TRDN: variants seen among roughly 807,000 people sequenced by gnomAD.
The protein encoded by TRDN is triadin.
TRDN carries 161 observed loss-of-function variants against 149.7 expected under a neutral mutation model. The observed-to-expected ratio is 1.08, with a 90% CI of 0.95 to 1.23. The LOEUF (loss-of-function observed/expected upper bound fraction) is 1.23, where lower values mean the gene tolerates loss of function less well. Ranked by LOEUF, TRDN falls within the 50% of genes most tolerant of loss-of-function variation. The probability of loss-of-function intolerance (pLI) is 0.00; values close to 1 mark genes in which losing one functional copy is unlikely to be tolerated. For missense variants in TRDN, 896 were observed against 823.5 expected, an observed-to-expected ratio of 1.09 and a Z score of -1.08; for synonymous variants, 294 against 250.5, an observed-to-expected ratio of 1.17 and a Z score of -1.64.
chr6:123,417,927 A>G (rs1773724351), intron 12 of TRDN, among the ~76,000 whole-genome samples: 2 of 152,178 alleles, frequency 1.3e-5, no homozygotes, highest in African/African-American at 2.4e-5. Flanking sequence ...CAAAGACACC[A>G]GGGATGATGA....
rs976029891 is a variant in TRDN at position 123,292,010 on chromosome 6, G to A, written c.1511-12928C>T. 1.4e-4 allele frequency among the ~76,000 whole-genome samples: 21 copies of A among 152,088 alleles called. 2 individuals are homozygous for A. The highest frequency in any genetic ancestry group is 6.2e-4 in the South Asian group (3 of 4,818). ...CTATGCTGTTGGTTTTCCTCAATGG[G>A]TAATCTCATTTTGGCTTTTGGTTTT... On this transcript the variant is annotated intron_variant, in intron 24 of 40. Transcript: ENST00000334268.
In TRDN at chr6:123,418,214, G is replaced by A. The variant is rs779184707; in HGVS notation, c.1051+19849C>T. ...AGCTGGCAAGGAAGGGTGGATGTTC[G>A]CACTGTTGCCCTCCAGCAACTCAGT... On this transcript the variant is annotated intron_variant, in intron 12 of 40. Transcript: ENST00000334268. Among the ~76,000 whole-genome samples, 53 of 152,122 alleles carry A rather than the reference G, an allele frequency of 3.5e-4. 1 individual carries two copies. The highest frequency in any genetic ancestry group is 6.2e-4 in the Non-Finnish European group (42 of 67,998).
At chr6:123,565,697 C>A (rs1782252615) in intron 2 of TRDN, among the ~76,000 whole-genome samples, 1 of 152,148 alleles carries the variant, frequency 6.6e-6, no homozygotes, top group African/African-American at 2.4e-5. Flanking sequence ...GCTCATGATC[C>A]CAGAGAGTCT....
chr6:123,257,543 T>C (rs1159476333), intron 35 of TRDN, among the ~76,000 whole-genome samples: 2 of 152,156 alleles, frequency 1.3e-5, no homozygotes, highest in Non-Finnish European at 2.9e-5. Context: ...TTGGTTACTG[T>C]AGCTTTGTAG....
chr6:123,303,984 C>T (rs1448838679), intron 24 of TRDN, among the ~76,000 whole-genome samples: 1 of 152,040 alleles, frequency 6.6e-6, no homozygotes, highest in East Asian at 1.9e-4. Context: ...CACATAACTT[C>T]GTGCCTACTT....
intron 22 of TRDN, among the ~76,000 whole-genome samples, chr6:123,337,039 T>C (rs935120639): frequency 8.5e-5 from 13 of 152,138 alleles, no homozygotes; most frequent in African/African-American, 3.1e-4. Context: ...GTTAGTCCAT[T>C]CAGGAGATGG....
chr6:123,573,741 T>C (rs1562398607), intron 1 of TRDN, among the ~76,000 whole-genome samples: 2 of 152,066 alleles, frequency 1.3e-5, no homozygotes, highest in Non-Finnish European at 2.9e-5. Context: ...AGATGATCTA[T>C]GGCAAATAGA....
intron 21 of TRDN, chr6:123,349,398 C>T: frequency 2.2e-6 from 1 of 450,176 alleles, no homozygotes; most frequent in Non-Finnish European, 2.9e-6. Flanking sequence ...CAGCGCCTGG[C>T]CAGTTGTGGG....
At chr6:123,528,803 A>C (rs1007063142) in intron 5 of TRDN, 35 of 998,056 alleles carry the variant, frequency 3.5e-5, no homozygotes, top group Non-Finnish European at 4.2e-5. Flanking sequence ...ATTCACACAG[A>C]AAAACTGTGG....
chr6:123,276,347 T>A (rs560546884), intron 26 of TRDN, among the ~76,000 whole-genome samples: 1 of 152,276 alleles, frequency 6.6e-6, no homozygotes, highest in East Asian at 1.9e-4. Flanking sequence ...GCAAAAAACT[T>A]AGCTTAATTG....
chr6:123,619,511 T>G (rs1472755210), intron 1 of TRDN, among the ~76,000 whole-genome samples: 2 of 152,302 alleles, frequency 1.3e-5, no homozygotes, highest in South Asian at 4.1e-4. Context: ...CCTGGATATG[T>G]CTGGTATTTT....
chr6:123,576,185 T>C (rs1461568054), intron 1 of TRDN, among the ~76,000 whole-genome samples: 1 of 152,120 alleles, frequency 6.6e-6, no homozygotes, highest in East Asian at 1.9e-4. Context: ...TGTTCCAAAA[T>C]ACATGCATGT....
intron 12 of TRDN, among the ~76,000 whole-genome samples, chr6:123,401,547 AC>A (rs1220346326): frequency 1.3e-5 from 2 of 152,170 alleles, no homozygotes; most frequent in Non-Finnish European, 2.9e-5. Context: ...AATTAGTTCC[AC>A]CCACAGTTTG....
chr6:123,349,858 A>C, intron 21 of TRDN: 1 of 985,394 alleles, frequency 1.0e-6, no homozygotes, highest in Non-Finnish European at 1.2e-6. Context: ...ACAGTGATAG[A>C]TTTACAAAGC....
intron 4 of TRDN, among the ~76,000 whole-genome samples, chr6:123,537,121 A>G (rs1337905756): frequency 6.6e-6 from 1 of 152,220 alleles, no homozygotes; most frequent in Non-Finnish European, 1.5e-5. Context: ...TAAAATGTTA[A>G]TAAAATATAA....
At chr6:123,399,285 A>G (rs1436378138) in intron 12 of TRDN, among the ~76,000 whole-genome samples, 1 of 152,208 alleles carries the variant, frequency 6.6e-6, no homozygotes, top group Non-Finnish European at 1.5e-5. Context: ...AATAATGAGC[A>G]TTTCCCCCTC....
chr6:123,399,458 G>C (rs751640747), intron 12 of TRDN, among the ~76,000 whole-genome samples: 10 of 152,126 alleles, frequency 6.6e-5, no homozygotes, highest in Non-Finnish European at 5.9e-5. Flanking sequence ...CAGATCATTT[G>C]GCCTTTTACT....
chr6:123,336,758 T>C (rs900134887), intron 22 of TRDN, among the ~76,000 whole-genome samples: 1 of 151,632 alleles, frequency 6.6e-6, no homozygotes, highest in Admixed American at 6.6e-5. Context: ...AGGTGAATAA[T>C]ATCAGACCTT....
chr6:123,469,904 C>T (rs1407669747), intron 9 of TRDN: 1 of 152,220 alleles, frequency 6.6e-6, no homozygotes, highest in Non-Finnish European at 1.5e-5. Flanking sequence ...TGTTCCAGAA[C>T]AGTATGAGCT....
Sources: gnomAD v4.1 joint callset for allele counts (sites outside exome capture counted in the v4.1 genomes callset) on GRCh38, gnomAD v4.1.1 for gene constraint, MANE v1.5 for transcripts, NCBI Gene and HGNC (gene_info 2026-07-23, HGNC 2026-07-21) for gene names.